ACOXL: variants seen among roughly 807,000 people sequenced by gnomAD.
ACOXL encodes acyl-coenzyme A oxidase-like protein.
ACOXL carries 70 observed loss-of-function variants against 71.9 expected under a neutral mutation model. The observed-to-expected ratio is 0.97, with a 90% confidence interval of 0.80 to 1.19. ACOXL has a LOEUF of 1.19. Among genes scored for constraint, ACOXL ranks in the 50% most tolerant of loss-of-function variants. The pLI is 0.00. For synonymous variants in ACOXL, 253 were observed against 281.6 expected (o/e 0.90, Z 1.02); for missense variants, 703 against 736.3 (o/e 0.95, Z 0.52).
chr2:110,752,202 T>C (rs1470271123), intron 1 of ACOXL, among the ~76,000 whole-genome samples: 1 of 152,136 alleles, frequency 6.6e-6, no homozygotes, highest in African/African-American at 2.4e-5. Context: ...GAGACAGGGT[T>C]TCACCATATT....
At chr2:110,974,740 A>G (rs1483381722) in intron 12 of ACOXL, among the ~76,000 whole-genome samples, 1 of 152,170 alleles carries the variant, frequency 6.6e-6, no homozygotes, top group Non-Finnish European at 1.5e-5. Context: ...CTGTCTTGGA[A>G]CTGCCCATGG....
chr2:110,904,080 G>A (rs1315155009), intron 10 of ACOXL, among the ~76,000 whole-genome samples: 1 of 152,226 alleles, frequency 6.6e-6, no homozygotes, highest in Admixed American at 6.5e-5. Context: ...CTGATGGGTG[G>A]TGAGAAGTGA....
At chr2:110,827,036 C>A (rs1689246955) in intron 9 of ACOXL, among the ~76,000 whole-genome samples, 1 of 152,172 alleles carries the variant, frequency 6.6e-6, no homozygotes, top group Non-Finnish European at 1.5e-5. Flanking sequence ...GGGACAAATA[C>A]AGACTCCATG....
At chr2:111,037,129 G>A (rs2149776121) in intron 15 of ACOXL, among the ~76,000 whole-genome samples, 1 of 152,276 alleles carries the variant, frequency 6.6e-6, no homozygotes, top group African/African-American at 2.4e-5. Context: ...CCTGCAGGTT[G>A]TGCCCGTCGG....
intron 1 of ACOXL, among the ~76,000 whole-genome samples, chr2:110,743,874 A>G (rs1291368948): frequency 1.3e-5 from 2 of 152,168 alleles, no homozygotes; most frequent in Non-Finnish European, 1.5e-5. Flanking sequence ...GTGAAATCCC[A>G]CTGGCTGACT....
chr2:111,018,479 A>G (rs1462749549), intron 14 of ACOXL, among the ~76,000 whole-genome samples: 1 of 152,178 alleles, frequency 6.6e-6, no homozygotes, highest in Non-Finnish European at 1.5e-5. Flanking sequence ...AGAGAGGCTG[A>G]CGGACAGGGT....
At chr2:110,974,231 C>T (rs969426239) in intron 12 of ACOXL, among the ~76,000 whole-genome samples, 2 of 152,162 alleles carry the variant, frequency 1.3e-5, no homozygotes, top group East Asian at 1.9e-4. Context: ...AGAAACTGGC[C>T]AGTGAGTTTC....
chr2:110,786,644 C>T lies in ACOXL; in HGVS notation c.159+1829C>T, dbSNP rs1683996157. On this transcript the variant is annotated intron_variant, in intron 3 of 17. Coordinates refer to ENST00000439055, the MANE Select transcript of ACOXL (RefSeq NM_001142807.4). ...GATTGTGACCATGAGGACAGCTCCA[C>T]AGGTGGTGGCAGCTCTCTGGGTGGG... 2.0e-5 allele frequency among the ~76,000 whole-genome samples: 3 copies of T among 152,196 alleles called. No homozygotes were observed. In the South Asian group the frequency reaches 6.2e-4, roughly 32 times the overall value.
At chr2:110,793,563 C>T in intron 3 of ACOXL, 87 bp from the exon 4 acceptor site, 2 of 1,244,796 alleles carry the variant, frequency 1.6e-6, no homozygotes, top group Non-Finnish European at 2.4e-6. Context: ...TGAATAGCTG[C>T]TCCCTGATTG....
intron 11 of ACOXL, among the ~76,000 whole-genome samples, chr2:110,909,861 G>T (rs945205811): frequency 6.6e-6 from 1 of 151,612 alleles, no homozygotes; most frequent in Non-Finnish European, 1.5e-5. Context: ...CAAGGTGCAA[G>T]GACACTGAAC....
chr2:110,899,333 G>C (rs766481058), intron 10 of ACOXL, among the ~76,000 whole-genome samples: 1 of 152,170 alleles, frequency 6.6e-6, no homozygotes, highest in South Asian at 2.1e-4. Flanking sequence ...CCTCAGTGAC[G>C]GGAACCTGGA....
At chr2:110,867,864 G>A (rs944891095) in intron 10 of ACOXL, among the ~76,000 whole-genome samples, 2 of 152,048 alleles carry the variant, frequency 1.3e-5, no homozygotes, top group African/African-American at 4.8e-5. Context: ...TTGGGCTCAC[G>A]CCATTCTCCT....
In ACOXL at chr2:110,968,143, C is replaced by T. The variant is rs529460074; in HGVS notation, c.1060-18965C>T. Reference sequence around the variant, plus strand: ...TGCTGCAGAGTATTGTACTGGCCTGCTGCTGGCCCGCAGGCTTCTCAATAG... The same window carrying T: ...TGCTGCAGAGTATTGTACTGGCCTGTTGCTGGCCCGCAGGCTTCTCAATAG... On this transcript the variant is annotated intron_variant, in intron 12 of 17. Transcript: ENST00000439055. 7.5e-6 allele frequency: 10 copies of T among 1,332,716 alleles called. No individual in the cohort carries two copies. In the East Asian group the frequency reaches 2.3e-4, roughly 31 times the overall value. 82.6% of individuals were successfully genotyped at this position (1,332,716 alleles called of 1,614,324 possible).
chr2:111,031,815 G>T, intron 15 of ACOXL, 101 bp downstream of exon 15: 1 of 1,176,346 alleles, frequency 8.5e-7, no homozygotes, highest in Non-Finnish European at 1.3e-6. Context: ...CAACACACAG[G>T]GAAGGGACAG....
chr2:110,910,913 A>T (rs1463268338), intron 11 of ACOXL, among the ~76,000 whole-genome samples: 5 of 152,014 alleles, frequency 3.3e-5, no homozygotes, highest in African/African-American at 7.2e-5. Flanking sequence ...TAATAATGTT[A>T]TTTGGGGGAG....
chr2:110,788,766 A>G (rs1163075813), intron 3 of ACOXL, among the ~76,000 whole-genome samples: 3 of 152,232 alleles, frequency 2.0e-5, no homozygotes, highest in Non-Finnish European at 2.9e-5. Context: ...AATTAGAGGA[A>G]ACTATAGACT....
At chr2:110,763,315 T>C (rs755123495) in intron 1 of ACOXL, among the ~76,000 whole-genome samples, 6 of 152,208 alleles carry the variant, frequency 3.9e-5, no homozygotes, top group African/African-American at 1.4e-4. Flanking sequence ...TAAAAATGTA[T>C]AGTGGTGGTG....
chr2:110,741,542 C>T (rs1044927519), intron 1 of ACOXL, among the ~76,000 whole-genome samples: 4 of 152,140 alleles, frequency 2.6e-5, no homozygotes, highest in East Asian at 1.9e-4. Context: ...AGAAGTTACA[C>T]GTGCACCCGC....
At chr2:110,977,891 TA>T (rs1288150970) in intron 12 of ACOXL, among the ~76,000 whole-genome samples, 2 of 152,214 alleles carry the variant, frequency 1.3e-5, no homozygotes, top group African/African-American at 4.8e-5. Context: ...ATCATCAGGA[TA>T]ACAACCATAT....
Sources: allele counts gnomAD v4.1 joint callset (sites outside exome capture counted in the v4.1 genomes callset), GRCh38; gene constraint gnomAD v4.1.1; transcripts MANE v1.5; gene names NCBI Gene and HGNC (gene_info 2026-07-23, HGNC 2026-07-21).